The following LRRC4C variants were observed in gnomAD, a reference collection of about 807,000 sequenced individuals.
The protein encoded by LRRC4C is leucine-rich repeat-containing protein 4C.
LRRC4C carries 5 observed loss-of-function variants against 33.6 expected under a neutral mutation model. The observed-to-expected ratio is 0.15, with a 90% confidence interval of 0.08 to 0.31. LRRC4C has a LOEUF of 0.31. Ranked by LOEUF, LRRC4C falls within the 10% of genes least tolerant of loss-of-function variation. LRRC4C has a pLI of 1.00. For missense variants in LRRC4C, 560 were observed against 796.7 expected (o/e 0.70, Z 3.58); for synonymous variants, 329 against 302.0 (o/e 1.09, Z -0.93).
intron 3 of LRRC4C, among the ~76,000 whole-genome samples, chr11:40,435,024 G>T (rs1374062577): frequency 1.3e-5 from 2 of 152,076 alleles, no homozygotes; most frequent in African/African-American, 2.4e-5. Context: ...AATCACAAGG[G>T]CATTCTTTAC....
chr11:40,988,713 C>CTTTTTTTTTTTTTTTT (rs869034558), intron 1 of LRRC4C, among the ~76,000 whole-genome samples: 2 of 57,750 alleles, frequency 3.5e-5, no homozygotes, highest in African/African-American at 4.5e-5. Flanking sequence ...CTTTTCTTTT[C>CTTTTTTTTTTTTTTTT]TTTTTTTTTT....
chr11:40,412,745 C>T (rs575960775), intron 3 of LRRC4C, among the ~76,000 whole-genome samples: 3 of 152,134 alleles, frequency 2.0e-5, no homozygotes, highest in Non-Finnish European at 4.4e-5. Context: ...TCAAATTCTG[C>T]CTCCACCCCT....
intron 1 of LRRC4C, among the ~76,000 whole-genome samples, chr11:41,307,159 G>A (rs1163436695): frequency 6.6e-6 from 1 of 152,074 alleles, no homozygotes; most frequent in Admixed American, 6.6e-5. Flanking sequence ...TGCTGAAGGG[G>A]AAAAAGTCAA....
intron 1 of LRRC4C, among the ~76,000 whole-genome samples, chr11:40,957,372 C>G (rs1296176302): frequency 6.6e-6 from 1 of 151,672 alleles, no homozygotes; most frequent in Non-Finnish European, 1.5e-5. Context: ...TGAGATCCAA[C>G]TCTTACTAAG....
At chr11:41,142,122 C>T (rs1195561293) in intron 1 of LRRC4C, among the ~76,000 whole-genome samples, 4 of 148,598 alleles carry the variant, frequency 2.7e-5, no homozygotes, top group Admixed American at 6.7e-5. Context: ...TTATTTCTTG[C>T]CATTATATAT....
intron 1 of LRRC4C, among the ~76,000 whole-genome samples, chr11:41,372,326 C>G (rs1952781522): frequency 6.6e-6 from 1 of 152,180 alleles, no homozygotes; most frequent in African/African-American, 2.4e-5. Context: ...GTGAATACAA[C>G]ATTATTTATT....
intron 3 of LRRC4C, among the ~76,000 whole-genome samples, chr11:40,634,393 T>C (rs1029266815): frequency 6.6e-6 from 1 of 152,106 alleles, no homozygotes; most frequent in Non-Finnish European, 1.5e-5. Context: ...TGAAAGGAAG[T>C]TGGTTTTAGG....
intron 4 of LRRC4C, among the ~76,000 whole-genome samples, chr11:40,247,190 G>A (rs1196743940): frequency 1.3e-5 from 2 of 151,622 alleles, no homozygotes; most frequent in Admixed American, 1.3e-4. Flanking sequence ...CATTTCAAAA[G>A]ACTTCTCCAG....
chr11:41,050,663 G>A (rs1025408480), intron 1 of LRRC4C, among the ~76,000 whole-genome samples: 2 of 152,140 alleles, frequency 1.3e-5, no homozygotes, highest in Non-Finnish European at 2.9e-5. Context: ...TGGTGTAAAT[G>A]TGCCACATTT....
intron 3 of LRRC4C, among the ~76,000 whole-genome samples, chr11:40,558,752 C>T (rs1482769978): frequency 6.6e-6 from 1 of 152,112 alleles, no homozygotes; most frequent in Non-Finnish European, 1.5e-5. Context: ...TTTTTTCTTA[C>T]ATGGGTAAAC....
chr11:40,951,422 T>TA (rs199898612), intron 1 of LRRC4C, among the ~76,000 whole-genome samples: 104 of 148,812 alleles, frequency 7.0e-4, no homozygotes, highest in South Asian at 1.7e-3. Flanking sequence ...GAGTGAAAAT[T>TA]AAAAAAAAAA....
At chr11:41,172,643 A>G (rs1238536225) in intron 1 of LRRC4C, among the ~76,000 whole-genome samples, 2 of 152,038 alleles carry the variant, frequency 1.3e-5, no homozygotes, top group East Asian at 1.9e-4. Flanking sequence ...TTCCAAATTT[A>G]TTTCATTAAA....
intron 5 of LRRC4C, among the ~76,000 whole-genome samples, chr11:40,218,491 T>C (rs1424674513): frequency 6.6e-6 from 1 of 152,088 alleles, no homozygotes; most frequent in East Asian, 1.9e-4. Context: ...CTGTAAAATA[T>C]TCTAACCAGC....
chr11:41,019,630 CCCA>C (rs1401151124), intron 1 of LRRC4C, among the ~76,000 whole-genome samples: 1 of 152,158 alleles, frequency 6.6e-6, no homozygotes, highest in African/African-American at 2.4e-5. Context: ...AATTTACATT[CCCA>C]CCAACAGTGT....
chr11:40,658,744 C>G (rs1483515543), intron 2 of LRRC4C, among the ~76,000 whole-genome samples: 1 of 152,126 alleles, frequency 6.6e-6, no homozygotes, highest in Non-Finnish European at 1.5e-5. Flanking sequence ...AATTCTTAAA[C>G]AAGTTTTAAG....
At chr11:40,809,535 T>C (rs1391338952) in intron 2 of LRRC4C, among the ~76,000 whole-genome samples, 2 of 152,148 alleles carry the variant, frequency 1.3e-5, no homozygotes, top group East Asian at 3.9e-4. Context: ...TTTTTTTCTA[T>C]AGAACTTTTT....
intron 5 of LRRC4C, among the ~76,000 whole-genome samples, chr11:40,147,748 T>C (rs765476623): frequency 1.6e-4 from 25 of 152,312 alleles, no homozygotes; most frequent in Middle Eastern, 6.8e-3. Flanking sequence ...TTTCTTTTTA[T>C]GTAACTTTTG....
chr11:40,433,369 A>G (rs1188594423), intron 3 of LRRC4C, among the ~76,000 whole-genome samples: 2 of 152,150 alleles, frequency 1.3e-5, no homozygotes, highest in African/African-American at 4.8e-5. Flanking sequence ...TGAGACACAA[A>G]AAGGTATTTT....
chr11:41,066,136 T>C (rs1938217701), intron 1 of LRRC4C, among the ~76,000 whole-genome samples: 1 of 152,164 alleles, frequency 6.6e-6, no homozygotes, highest in South Asian at 2.1e-4. Context: ...AAGAAGCATG[T>C]TCTAACCCAA....
Sources: allele counts gnomAD v4.1 joint callset (sites outside exome capture counted in the v4.1 genomes callset), GRCh38; gene constraint gnomAD v4.1.1; transcripts MANE v1.5; gene names NCBI Gene and HGNC (gene_info 2026-07-23, HGNC 2026-07-21).